SORCS1: variants seen among roughly 807,000 people sequenced by gnomAD.
SORCS1 encodes the protein VPS10 domain-containing receptor SorCS1.
SORCS1 carries 60 observed loss-of-function variants against 146.1 expected under a neutral mutation model. That is an observed-to-expected ratio of 0.41 (90% CI 0.33 to 0.51). The LOEUF is 0.51. SORCS1 is among the 20% of genes least tolerant of loss of function. SORCS1 has a pLI of 0.21. For synonymous variants in SORCS1, 637 were observed against 584.0 expected, an observed-to-expected ratio of 1.09 and a Z score of -1.31; for missense variants, 1,352 against 1,487.6, an observed-to-expected ratio of 0.91 and a Z score of 1.50.
intron 4 of SORCS1, among the ~76,000 whole-genome samples, chr10:106,768,845 G>C (rs893222683): frequency 6.6e-6 from 1 of 152,188 alleles, no homozygotes; most frequent in Admixed American, 6.5e-5. Flanking sequence ...TGTTTGCTAT[G>C]TGTCAGGCTC....
rs141814655 is a variant in SORCS1, at chr10:106,594,075, G to C, written c.3265+3276C>G. The stretch of plus-strand genomic sequence containing the variant: ...GAATTGACTTCCCTTCCCACATGGA[G>C]CTATAAATCCAAGGACCTTTGGATG... On this transcript the variant is annotated intron_variant, in intron 24 of 25. Transcript: ENST00000263054. Among the ~76,000 whole-genome samples the C allele has an allele frequency of 7.8e-3, 1,194 of 152,310 alleles. 17 individuals carry two copies. The highest frequency in any genetic ancestry group is 0.027 in the African/African-American group (1,134 of 41,566).
At chr10:107,105,098 G>T (rs748942538) in intron 1 of SORCS1, among the ~76,000 whole-genome samples, 2 of 152,180 alleles carry the variant, frequency 1.3e-5, no homozygotes, top group Non-Finnish European at 2.9e-5. Flanking sequence ...TACTCAAACA[G>T]TTAACATGTA....
At chr10:106,636,497 A>G (rs1390900098) in intron 18 of SORCS1, among the ~76,000 whole-genome samples, 1 of 152,144 alleles carries the variant, frequency 6.6e-6, no homozygotes, top group African/African-American at 2.4e-5. Context: ...ACAGCTCCAC[A>G]TGGCTAGGGA....
Position 107,058,049 on chromosome 10 carries a change from T to A in SORCS1, c.559-101469A>T, listed in dbSNP as rs568105108. 5.9e-5 allele frequency among the ~76,000 whole-genome samples: 9 copies of A among 152,240 alleles called. No homozygotes were observed. In the East Asian group the frequency reaches 1.2e-3, roughly 20 times the overall value. On this transcript the variant is annotated intron_variant, in intron 1 of 25. Transcript: ENST00000263054. ...CAACTTTTAAAAAAAATTTTTTTTTTATTTTTTATTGAGACGGAGTCTTGC... is the reference window on the plus strand; with the variant it reads ...CAACTTTTAAAAAAAATTTTTTTTTAATTTTTTATTGAGACGGAGTCTTGC...
At chr10:106,694,194 GAGCACTCTCCTCCTCAAAC>G (rs1415984912) in intron 9 of SORCS1, among the ~76,000 whole-genome samples, 28 of 152,264 alleles carry the variant, frequency 1.8e-4, no homozygotes, top group South Asian at 2.1e-4. Flanking sequence ...CTCAACCAAA[GAGCACTCTCCTCCTCAAAC>G]AGCACTCTCC....
intron 2 of SORCS1, among the ~76,000 whole-genome samples, chr10:106,917,148 A>T (rs898200758): frequency 2.0e-5 from 3 of 152,160 alleles, no homozygotes; most frequent in African/African-American, 7.2e-5. Context: ...ATCCAATCTA[A>T]CAAAACTCCT....
intron 3 of SORCS1, among the ~76,000 whole-genome samples, chr10:106,825,535 G>A (rs1039370690): frequency 6.6e-6 from 1 of 151,592 alleles, no homozygotes; most frequent in Admixed American, 6.6e-5. Context: ...GCCTCCCATA[G>A]TGCTGGGATT....
intron 24 of SORCS1, among the ~76,000 whole-genome samples, chr10:106,586,968 C>T (rs1025286192): frequency 7.9e-5 from 12 of 152,178 alleles, no homozygotes; most frequent in South Asian, 6.2e-4. Flanking sequence ...ACGAAGCCAA[C>T]GAGCAACCTC....
chr10:106,879,164 T>A (rs893338522), intron 2 of SORCS1, among the ~76,000 whole-genome samples: 11 of 128,244 alleles, frequency 8.6e-5, no homozygotes, highest in Non-Finnish European at 1.5e-4. Flanking sequence ...AAAAAAAAAA[T>A]TCATTGATAA....
intron 1 of SORCS1, among the ~76,000 whole-genome samples, chr10:107,100,804 T>C (rs1964873217): frequency 6.6e-6 from 1 of 152,242 alleles, no homozygotes; most frequent in South Asian, 2.1e-4. Flanking sequence ...AGCAAAAGTT[T>C]ATCTGTCAAG....
intron 2 of SORCS1, among the ~76,000 whole-genome samples, chr10:106,900,191 C>T (rs1285464824): frequency 6.6e-6 from 1 of 152,104 alleles, no homozygotes; most frequent in African/African-American, 2.4e-5. Context: ...GAACGCTTAC[C>T]ACACTGTTGG....
intron 2 of SORCS1, among the ~76,000 whole-genome samples, chr10:106,931,568 G>C (rs1013862594): frequency 6.6e-6 from 1 of 152,192 alleles, no homozygotes; most frequent in Non-Finnish European, 1.5e-5. Flanking sequence ...ATGTTTGCTC[G>C]TTTGTAACTC....
chr10:106,639,595 AC>A (rs1848935214), intron 18 of SORCS1, among the ~76,000 whole-genome samples: 1 of 152,150 alleles, frequency 6.6e-6, no homozygotes, highest in African/African-American at 2.4e-5. Flanking sequence ...TCCTTCAACA[AC>A]AAAAAGCAAG....
At chr10:107,019,440 T>C (rs1209887605) in intron 1 of SORCS1, among the ~76,000 whole-genome samples, 1 of 152,128 alleles carries the variant, frequency 6.6e-6, no homozygotes, top group Non-Finnish European at 1.5e-5. Context: ...GAGTTGGGAA[T>C]CCACAGAAAA....
At chr10:106,805,919 G>A (rs1009127153) in intron 3 of SORCS1, among the ~76,000 whole-genome samples, 4 of 149,522 alleles carry the variant, frequency 2.7e-5, no homozygotes, top group African/African-American at 4.9e-5. Flanking sequence ...AATTAGCCAG[G>A]CGTGGTGGCA....
chr10:106,738,316 T>C (rs537187847), intron 5 of SORCS1, among the ~76,000 whole-genome samples: 2 of 152,150 alleles, frequency 1.3e-5, no homozygotes, highest in African/African-American at 2.4e-5. Flanking sequence ...ATCTGGAAAA[T>C]AAAATCTAAG....
intron 1 of SORCS1, among the ~76,000 whole-genome samples, chr10:107,040,972 A>G (rs1035053571): frequency 5.9e-5 from 9 of 152,216 alleles, no homozygotes; most frequent in Non-Finnish European, 8.8e-5. Flanking sequence ...TTGCTATAAC[A>G]AAAAAATCCT....
the SORCS1 span, among the ~76,000 whole-genome samples, chr10:107,176,384 G>A: frequency 6.7e-6 from 1 of 149,464 alleles, no homozygotes; most frequent in Non-Finnish European, 1.5e-5. Flanking sequence ...AGGTTAGAGT[G>A]CAGTGCAGTG....
rs554729550 is a variant in SORCS1, at chr10:106,706,376, T to A, written c.1233+169A>T. Among the ~76,000 whole-genome samples the A allele has an allele frequency of 2.0e-5, 3 of 151,074 alleles. No homozygotes were observed. In the South Asian group the frequency reaches 6.3e-4, roughly 32 times the overall value. ...GAGGGAGGAAACAAGAGGAGGGTAATAGGACTGACCAAAGAGACAGTAAGG... is the reference window on the plus strand; with the variant it reads ...GAGGGAGGAAACAAGAGGAGGGTAAAAGGACTGACCAAAGAGACAGTAAGG... On this transcript the variant is annotated intron_variant, in intron 8 of 25. Coordinates refer to ENST00000263054, the MANE Select transcript of SORCS1 (RefSeq NM_052918.5).
Sources: gnomAD v4.1 joint callset for allele counts (sites outside exome capture counted in the v4.1 genomes callset) on GRCh38, gnomAD v4.1.1 for gene constraint, MANE v1.5 for transcripts, NCBI Gene and HGNC (gene_info 2026-07-23, HGNC 2026-07-21) for gene names.